ARHGAP6: variants seen among roughly 807,000 people sequenced by gnomAD.
The protein encoded by ARHGAP6 is Rho GTPase activating protein 6, also known as rho GTPase-activating protein 6.
ARHGAP6 carries 16 observed loss-of-function variants against 55.7 expected under a neutral mutation model. That is an observed-to-expected ratio of 0.29 (90% CI 0.19 to 0.44). The LOEUF (loss-of-function observed/expected upper bound fraction) is 0.44, where lower values mean the gene tolerates loss of function less well. Among genes scored for constraint, ARHGAP6 ranks in the 20% least tolerant of loss-of-function variants. The probability of loss-of-function intolerance (pLI) is 1.00; values close to 1 mark genes in which losing one functional copy is unlikely to be tolerated. For synonymous variants in ARHGAP6, 382 were observed against 360.9 expected (o/e 1.06, Z -0.66); for missense variants, 698 against 808.9 (o/e 0.86, Z 1.66).
At chrX:11,577,345 A>G (rs983417705) in intron 1 of ARHGAP6, among the ~76,000 whole-genome samples, 5 of 112,115 alleles carry the variant, frequency 4.5e-5, no homozygotes, top group Admixed American at 1.9e-4. Context: ...GGAAACTGGG[A>G]CTCAGCCCTG....
chrX:11,268,102 A>G (rs919594200), intron 1 of ARHGAP6, among the ~76,000 whole-genome samples: 1 of 112,146 alleles, frequency 8.9e-6, no homozygotes, highest in Non-Finnish European at 1.9e-5. Flanking sequence ...TTAAGCATTC[A>G]TTCCACCTTC....
intron 1 of ARHGAP6, among the ~76,000 whole-genome samples, chrX:11,626,971 C>G (rs1413845384): frequency 9.0e-6 from 1 of 111,573 alleles, no homozygotes; most frequent in Non-Finnish European, 1.9e-5. Flanking sequence ...TTAGATAATT[C>G]AGCAAGGTTG....
At chrX:11,522,615 C>A (rs1428676241) in intron 1 of ARHGAP6, among the ~76,000 whole-genome samples, 1 of 111,754 alleles carries the variant, frequency 8.9e-6, no homozygotes, top group Non-Finnish European at 1.9e-5. Flanking sequence ...CACCTCTATG[C>A]AAATAAACTA....
chrX:11,251,612 A>C (rs1355973519), intron 2 of ARHGAP6, among the ~76,000 whole-genome samples: 1 of 112,091 alleles, frequency 8.9e-6, no homozygotes. Flanking sequence ...CTATGTGTCC[A>C]TTTTCATTGT....
intron 2 of ARHGAP6, among the ~76,000 whole-genome samples, chrX:11,207,199 C>CT (rs11372246): frequency 0.2 from 20,688 of 102,303 alleles, 1,692 homozygotes; most frequent in Middle Eastern, 0.29. Context: ...TTTTCTTCTT[C>CT]TTTTTTTTTT....
chrX:11,213,217 C>G (rs2046832535), intron 2 of ARHGAP6, among the ~76,000 whole-genome samples: 1 of 113,111 alleles, frequency 8.8e-6, no homozygotes, highest in Admixed American at 9.3e-5. Context: ...GGCCATCACC[C>G]CGTGGGTGGG....
chrX:11,175,998 T>C (rs1416232990), intron 8 of ARHGAP6, among the ~76,000 whole-genome samples: 1 of 105,712 alleles, frequency 9.5e-6, no homozygotes, highest in African/African-American at 3.4e-5. Flanking sequence ...TTCTTCAAGA[T>C]CTTTTTCTAT....
At chrX:11,414,365 C>T (rs2049723355) in intron 1 of ARHGAP6, among the ~76,000 whole-genome samples, 1 of 111,160 alleles carries the variant, frequency 9.0e-6, no homozygotes, top group African/African-American at 3.3e-5. Flanking sequence ...ATAAGATATT[C>T]TTCTTTTGGT....
intron 1 of ARHGAP6, among the ~76,000 whole-genome samples, chrX:11,610,282 C>G (rs1486913987): frequency 1.8e-5 from 2 of 109,379 alleles, no homozygotes; most frequent in African/African-American, 7.1e-5. Flanking sequence ...TTCATGGGCC[C>G]TTGAAGTACT....
At chrX:11,529,525 A>C (rs985242391) in intron 1 of ARHGAP6, among the ~76,000 whole-genome samples, 2 of 112,223 alleles carry the variant, frequency 1.8e-5, no homozygotes, top group Non-Finnish European at 3.8e-5. Flanking sequence ...CTTGATTTGC[A>C]TATATCCTTA....
intron 1 of ARHGAP6, among the ~76,000 whole-genome samples, chrX:11,603,118 T>C (rs1236447931): frequency 9.0e-6 from 1 of 111,520 alleles, no homozygotes; most frequent in Non-Finnish European, 1.9e-5. Context: ...AAAAGCAGAG[T>C]GGAATTTCTG....
intron 1 of ARHGAP6, among the ~76,000 whole-genome samples, chrX:11,330,326 A>G (rs1388300386): frequency 8.9e-6 from 1 of 112,926 alleles, no homozygotes; most frequent in Non-Finnish European, 1.9e-5. Context: ...AAAAGATTAA[A>G]TATTTGGGAT....
At chrX:11,437,954 A>G (rs1340752685) in intron 1 of ARHGAP6, among the ~76,000 whole-genome samples, 2 of 112,163 alleles carry the variant, frequency 1.8e-5, no homozygotes, top group Non-Finnish European at 3.8e-5. Flanking sequence ...AATACATGTT[A>G]AGCTCTAAAG....
At chrX:11,264,806 T>C (rs1426138795) in intron 1 of ARHGAP6, among the ~76,000 whole-genome samples, 1 of 112,228 alleles carries the variant, frequency 8.9e-6, no homozygotes, top group Non-Finnish European at 1.9e-5. Flanking sequence ...GTCCGCTCTC[T>C]GCTAGTTACT....
intron 1 of ARHGAP6, among the ~76,000 whole-genome samples, chrX:11,264,731 A>G (rs1005638977): frequency 8.9e-6 from 1 of 112,123 alleles, no homozygotes; most frequent in Non-Finnish European, 1.9e-5. Context: ...AATTTAGTTC[A>G]CTGAAATTAG....
intron 1 of ARHGAP6, among the ~76,000 whole-genome samples, chrX:11,551,318 C>T (rs868495016): frequency 2.7e-5 from 3 of 111,623 alleles, no homozygotes; most frequent in Admixed American, 9.5e-5. Context: ...GCTGACATCT[C>T]GCATAGTCAT....
intron 1 of ARHGAP6, among the ~76,000 whole-genome samples, chrX:11,520,750 G>A (rs71202806): frequency 0.11 from 12,303 of 111,335 alleles, 874 homozygotes; most frequent in African/African-American, 0.25. Flanking sequence ...GACTTCCACA[G>A]TGGTTGAACT....
chrX:11,290,304 A>T (rs1165091773), intron 1 of ARHGAP6: 7 of 269,383 alleles, frequency 2.6e-5, no homozygotes, highest in Non-Finnish European at 4.4e-5. Context: ...ATTCATCAAC[A>T]CATTTATCTA....
intron 1 of ARHGAP6, among the ~76,000 whole-genome samples, chrX:11,599,684 T>C (rs759078504): frequency 1.8e-5 from 2 of 111,664 alleles, no homozygotes; most frequent in African/African-American, 3.3e-5. Context: ...GCCAGATCAG[T>C]AAATTCTGGG....
Sources: gnomAD v4.1 joint callset for allele counts (sites outside exome capture counted in the v4.1 genomes callset) on GRCh38, gnomAD v4.1.1 for gene constraint, MANE v1.5 for transcripts, NCBI Gene and HGNC (gene_info 2026-07-23, HGNC 2026-07-21) for gene names.